LINGO2: variants seen among roughly 807,000 people sequenced by gnomAD.
LINGO2 encodes leucine-rich repeat and immunoglobulin-like domain-containing nogo receptor-interacting protein 2.
LINGO2 carries 14 observed loss-of-function variants against 30.6 expected under a neutral mutation model. That is an observed-to-expected ratio of 0.46 (90% CI 0.30 to 0.72). The LOEUF is 0.72. Among genes scored for constraint, LINGO2 ranks in the 30% least tolerant of loss-of-function variants. The pLI is 0.07. For missense variants in LINGO2, 729 were observed against 751.7 expected (o/e 0.97, Z 0.35); for synonymous variants, 317 against 288.5 (o/e 1.10, Z -1.00).
chr9:28,406,715 A>T (rs1822530117), intron 2 of LINGO2, among the ~76,000 whole-genome samples: 1 of 152,132 alleles, frequency 6.6e-6, no homozygotes, highest in African/African-American at 2.4e-5. Context: ...TCTCCAACCA[A>T]ATTGTTCTTA....
intron 1 of LINGO2, among the ~76,000 whole-genome samples, chr9:28,515,560 C>A (rs1470074864): frequency 1.3e-5 from 2 of 152,142 alleles, no homozygotes; most frequent in African/African-American, 4.8e-5. Flanking sequence ...GAGGAAGTAA[C>A]TGCAGACGTA....
intron 2 of LINGO2, among the ~76,000 whole-genome samples, chr9:28,425,253 A>T (rs10119135): frequency 0.13 from 18,692 of 147,570 alleles, 1,390 homozygotes; most frequent in East Asian, 0.24. Context: ...TATTAAATAT[A>T]TGTATTATAT....
intron 1 of LINGO2, among the ~76,000 whole-genome samples, chr9:28,486,928 G>A (rs1006560433): frequency 9.2e-5 from 14 of 152,008 alleles, no homozygotes; most frequent in Non-Finnish European, 1.9e-4. Context: ...TTGACACAAA[G>A]AGAAAAAACA....
At chr9:28,042,254 G>A (rs1249172408) in intron 4 of LINGO2, among the ~76,000 whole-genome samples, 2 of 152,126 alleles carry the variant, frequency 1.3e-5, no homozygotes, top group African/African-American at 4.8e-5. Context: ...ATGCTTCAGA[G>A]TAGAAAATTC....
At chr9:28,640,166 T>C (rs148131533) in intron 1 of LINGO2, among the ~76,000 whole-genome samples, 1 of 152,114 alleles carries the variant, frequency 6.6e-6, no homozygotes, top group Non-Finnish European at 1.5e-5. Context: ...TCTTCTGGCT[T>C]GTAGAGTTTC....
chr9:28,143,653 A>G (rs1397749843), intron 4 of LINGO2, among the ~76,000 whole-genome samples: 1 of 152,168 alleles, frequency 6.6e-6, no homozygotes, highest in African/African-American at 2.4e-5. Context: ...TGTGTATGAA[A>G]CATAAACACC....
In LINGO2 at chr9:27,953,929, A is replaced by T. The variant is rs187356321; in HGVS notation, c.-35-3223T>A. ...GGAGAAAACTGGAAGGATATAATAA[A>T]GATGTTGACAATACTAACTTTTTGA... On this transcript the variant is annotated intron_variant, in intron 5 of 5. Transcript: ENST00000379992. Among the ~76,000 whole-genome samples the T allele has an allele frequency of 4.7e-4, 72 of 152,344 alleles. No homozygotes were observed. In the South Asian group the frequency reaches 0.013, roughly 28 times the overall value.
At chr9:28,173,241 T>G (rs35628713) in intron 4 of LINGO2, among the ~76,000 whole-genome samples, 13,581 of 152,244 alleles carry the variant, frequency 0.089, 788 homozygotes, top group Middle Eastern at 0.15. Context: ...AATACCCTGC[T>G]TAAATTTTTG....
At chr9:28,986,201 G>T in the LINGO2 span, among the ~76,000 whole-genome samples, 2 of 151,724 alleles carry the variant, frequency 1.3e-5, no homozygotes, top group African/African-American at 2.4e-5. Flanking sequence ...TCTCTATTCT[G>T]TTCCACTGGC....
intron 4 of LINGO2, among the ~76,000 whole-genome samples, chr9:28,229,504 CT>C (rs1193452616): frequency 3.3e-5 from 5 of 151,510 alleles, no homozygotes; most frequent in African/African-American, 1.2e-4. Flanking sequence ...GTAAAGGACC[CT>C]CCCTATCATC....
At chr9:28,624,003 C>T (rs1389549823) in intron 1 of LINGO2, among the ~76,000 whole-genome samples, 1 of 151,990 alleles carries the variant, frequency 6.6e-6, no homozygotes, top group South Asian at 2.1e-4. Context: ...AATAGAAATG[C>T]TACTGCTTTG....
chr9:28,395,276 C>T (rs1336929987), intron 2 of LINGO2, among the ~76,000 whole-genome samples: 1 of 151,152 alleles, frequency 6.6e-6, no homozygotes, highest in Non-Finnish European at 1.5e-5. Flanking sequence ...AAGGAGATAA[C>T]TCAAGTCGAA....
the LINGO2 span, among the ~76,000 whole-genome samples, chr9:29,034,980 A>G: frequency 6.6e-6 from 1 of 152,168 alleles, no homozygotes; most frequent in African/African-American, 2.4e-5. Flanking sequence ...CAGGAATCAT[A>G]CGCCTCAATA....
intron 4 of LINGO2, among the ~76,000 whole-genome samples, chr9:28,289,472 G>C (rs908632362): frequency 6.6e-4 from 101 of 152,240 alleles, no homozygotes; most frequent in African/African-American, 2.4e-3. Context: ...AATTATTTGT[G>C]CATTTTCCCC....
intron 4 of LINGO2, among the ~76,000 whole-genome samples, chr9:28,240,417 C>CA (rs1353666709): frequency 5.3e-5 from 8 of 151,640 alleles, no homozygotes; most frequent in African/African-American, 1.5e-4. Context: ...ATGGTACTGG[C>CA]AAAAAAACAA....
At chr9:28,233,157 G>C (rs73645622) in intron 4 of LINGO2, among the ~76,000 whole-genome samples, 2 of 149,150 alleles carry the variant, frequency 1.3e-5, no homozygotes, top group African/African-American at 2.5e-5. Context: ...GTGTGTGTGC[G>C]TATCTGTGTG....
chr9:28,684,757 G>A, the LINGO2 span, among the ~76,000 whole-genome samples: 1 of 151,926 alleles, frequency 6.6e-6, no homozygotes. Context: ...GACCTCAAGT[G>A]ATCTGTCCAC....
chr9:28,948,356 T>C, the LINGO2 span, among the ~76,000 whole-genome samples: 2 of 152,144 alleles, frequency 1.3e-5, no homozygotes, highest in African/African-American at 4.8e-5. Context: ...TCTGTTTCCA[T>C]TCATCACATT....
At chr9:28,656,557 T>C (rs577409837) in intron 1 of LINGO2, among the ~76,000 whole-genome samples, 1 of 152,192 alleles carries the variant, frequency 6.6e-6, no homozygotes, top group South Asian at 2.1e-4. Context: ...AGATGTAATT[T>C]ACAGAATAAC....
Sources: allele counts gnomAD v4.1 joint callset (sites outside exome capture counted in the v4.1 genomes callset), GRCh38; gene constraint gnomAD v4.1.1; transcripts MANE v1.5; gene names NCBI Gene and HGNC (gene_info 2026-07-23, HGNC 2026-07-21).